RNF213: variants seen among roughly 807,000 people sequenced by gnomAD.
The protein encoded by RNF213 is ring finger protein 213.
A neutral mutation model predicts 514.4 loss-of-function variants in RNF213; 341 were observed. The ratio of observed to expected loss-of-function variants is 0.66; its 90% confidence interval spans 0.61 to 0.73. RNF213 has a LOEUF of 0.73. Among genes scored for constraint, RNF213 ranks in the 30% least tolerant of loss-of-function variants. The pLI is 0.00. For missense variants in RNF213, 5,767 were observed against 6,615.6 expected, an observed-to-expected ratio of 0.87 and a Z score of 4.45; for synonymous variants, 2,655 against 2,658.2, an observed-to-expected ratio of 1.00 and a Z score of 0.04.
chr17:80,353,882 G>T lies in RNF213; in HGVS notation c.10579-137G>T. On this transcript the variant is annotated intron_variant, in intron 34 of 67. Transcript: ENST00000582970. The surrounding 1 kb of genome is among the most constrained non-coding windows in gnomAD (Gnocchi z 5.0). ...GTTTGGGGGGTGCAGGGCGGAGGTC[G>T]GCGTCTCTTCTTTGTCCGTGAGGAC... 3.2e-6 allele frequency: 4 copies of T among 1,266,334 alleles called. No homozygotes were observed. The highest frequency in any genetic ancestry group is 2.5e-5 in the East Asian group (1 of 40,426). The allele number at this position is 1,266,334 out of a possible 1,614,324, so 78.4% of individuals were successfully genotyped here.
chr17:80,322,624 A>T (rs1222784696), intron 17 of RNF213, among the ~76,000 whole-genome samples: 1 of 152,078 alleles, frequency 6.6e-6, no homozygotes, highest in Non-Finnish European at 1.5e-5. Context: ...GATGTTGCCC[A>T]GGCTGGTCTT....
chr17:80,322,548 C>A (rs1291175992), intron 17 of RNF213, among the ~76,000 whole-genome samples: 3 of 151,888 alleles, frequency 2.0e-5, no homozygotes, highest in Admixed American at 2.0e-4. Flanking sequence ...TGCACTCCGG[C>A]CTGGGCGACA....
intron 36 of RNF213, among the ~76,000 whole-genome samples, chr17:80,355,635 A>AG (rs373368338): frequency 4.4e-4 from 7 of 15,914 alleles, no homozygotes; most frequent in Non-Finnish European, 5.1e-4. Flanking sequence ...GGGGGCTTAC[A>AG]GGGGAAGAAG....
intron 3 of RNF213, among the ~76,000 whole-genome samples, chr17:80,282,086 A>T (rs2044323591): frequency 1.3e-5 from 2 of 152,012 alleles, no homozygotes; most frequent in African/African-American, 4.8e-5. Context: ...CAAGCTCCTG[A>T]CCTCAAGGAA....
At chr17:80,262,003 CA>C (rs1039694263) in intron 1 of RNF213, among the ~76,000 whole-genome samples, 1 of 151,634 alleles carries the variant, frequency 6.6e-6, no homozygotes, top group African/African-American at 2.4e-5. Context: ...GTGAAACTGT[CA>C]AACAAACAAA....
chr17:80,355,015 A>G (rs2078679265), intron 36 of RNF213: 1 of 357,278 alleles, frequency 2.8e-6, no homozygotes, highest in Non-Finnish European at 5.5e-6. Context: ...ATTCACTGCC[A>G]TGGTTATTTT....
intron 42 of RNF213, among the ~76,000 whole-genome samples, chr17:80,365,817 C>A (rs1001750572): frequency 1.3e-5 from 2 of 152,182 alleles, no homozygotes; most frequent in African/African-American, 4.8e-5. Flanking sequence ...ATGCACAGGG[C>A]TTTCAGCCAG....
rs2144066920 is a variant in RNF213 at position 80,340,085 on chromosome 17, C to T, written c.5718C>T (p.Arg1906=). ...FADQLSYEVA[R]QAEELFHNLC... ...ATCAGCTGAGCTACGAGGTGGCACGCCAAGCGGAGGAGCTTTTCCACAATC... is the reference window on the plus strand; with the variant it reads ...ATCAGCTGAGCTACGAGGTGGCACGTCAAGCGGAGGAGCTTTTCCACAATC... Residue 1906 remains arginine, a synonymous_variant, in exon 26 of 68, where the codon CGC becomes CGT. Coordinates refer to ENST00000582970, the MANE Select transcript of RNF213 (RefSeq NM_001256071.3). 1 of 1,602,270 alleles carries T rather than the reference C, an allele frequency of 6.2e-7. No individual in the cohort carries two copies. The highest frequency in any genetic ancestry group is 1.1e-5 in the South Asian group (1 of 89,472).
At chr17:80,359,214 T>C (rs899026106) in intron 37 of RNF213, among the ~76,000 whole-genome samples, 3 of 151,936 alleles carry the variant, frequency 2.0e-5, no homozygotes, top group Non-Finnish European at 4.4e-5. Context: ...ATTCTGGATG[T>C]AGATTTATAA....
At chr17:80,392,716 A>G (rs896874375) in intron 67 of RNF213, among the ~76,000 whole-genome samples, 2 of 151,464 alleles carry the variant, frequency 1.3e-5, no homozygotes, top group Non-Finnish European at 2.9e-5. Flanking sequence ...CAGCCTCCCG[A>G]GTAGCTGGGA....
intron 13 of RNF213, among the ~76,000 whole-genome samples, chr17:80,307,862 T>G (rs374631434): frequency 0.4 from 59,295 of 148,808 alleles, 12,906 homozygotes; most frequent in African/African-American, 0.59. Context: ...CTGTTTTTTT[T>G]TTTTTTTTTT....
intron 11 of RNF213, chr17:80,298,866 C>G (rs59888214): frequency 0.02 from 6,171 of 311,318 alleles, 343 homozygotes; most frequent in African/African-American, 0.12. Context: ...GTAATCCCAG[C>G]TACTCTGGAG....
At chr17:80,388,487 C>A (rs1384256079) in intron 63 of RNF213, 125 bp from the exon 64 acceptor site, 14 of 758,748 alleles carry the variant, frequency 1.8e-5, no homozygotes, top group Non-Finnish European at 3.3e-5. Flanking sequence ...GCGCTCTTAG[C>A]CAAGGGATAC....
Position 80,343,863 on chromosome 17 carries a change from A to T in RNF213, c.6190A>T (p.Thr2064Ser), listed in dbSNP as rs1464369398. 1 of 1,614,056 alleles carries T rather than the reference A, an allele frequency of 6.2e-7. No individual in the cohort carries two copies. The highest frequency in any genetic ancestry group is 8.5e-7 in the Non-Finnish European group (1 of 1,180,036). The change falls in exon 28 of 68, where the codon ACT becomes TCT. Residue 2064 changes from threonine to serine, a missense_variant. By Grantham distance (58) the Thr-to-Ser change is moderately conservative (BLOSUM62 1). Coordinates refer to ENST00000582970, the MANE Select transcript of RNF213 (RefSeq NM_001256071.3). The surrounding 1 kb of genome is among the most constrained non-coding windows in gnomAD (Gnocchi z 4.3). ...CGTGCGATTCTGTTCTTAGGTGCAG[A>T]CTGGAATTTGGGTGTTTCTTTTCAA... Reference protein sequence around the residue: ...FHLDVTSSVQTGIWVFLFKLL... With the variant: ...FHLDVTSSVQSGIWVFLFKLL...
At chr17:80,316,213 CTGCACT>C (rs1183431173) in intron 15 of RNF213, 2 of 152,150 alleles carry the variant, frequency 1.3e-5, no homozygotes, top group Non-Finnish European at 2.9e-5. Context: ...GACTGTGCCA[CTGCACT>C]CCAACCCAGG....
intron 3 of RNF213, among the ~76,000 whole-genome samples, chr17:80,277,704 T>G (rs1341227717): frequency 6.6e-6 from 1 of 152,010 alleles, no homozygotes; most frequent in Non-Finnish European, 1.5e-5. Flanking sequence ...GTGATGAGTT[T>G]ACAGGGGCTT....
intron 3 of RNF213, among the ~76,000 whole-genome samples, chr17:80,285,375 G>A (rs143721660): frequency 2.4e-3 from 367 of 152,314 alleles, no homozygotes; most frequent in Admixed American, 5.3e-3. Flanking sequence ...TGGCAGCCCC[G>A]GAGGTACCAG....
chr17:80,294,590 C>T, intron 8 of RNF213, 130 bp from the exon 9 acceptor site: 4 of 1,182,778 alleles, frequency 3.4e-6, no homozygotes, highest in South Asian at 2.5e-5. Flanking sequence ...TTTTGCTTTT[C>T]CCTTCCTCCC....
At chr17:80,290,324 C>T (rs181579968) in intron 6 of RNF213, among the ~76,000 whole-genome samples, 2 of 151,216 alleles carry the variant, frequency 1.3e-5, no homozygotes, top group South Asian at 2.1e-4. Context: ...TGTGCGTTCA[C>T]GTGTGTGTGC....
Sources: gnomAD v4.1 joint callset for allele counts (sites outside exome capture counted in the v4.1 genomes callset) on GRCh38, gnomAD v4.1.1 for gene constraint, Gnocchi (gnomAD v3.1) non-coding constraint, MANE v1.5 for transcripts, NCBI Gene and HGNC (gene_info 2026-07-23, HGNC 2026-07-21) for gene names.